Variants in WASF3 observed in about 807,000 individuals in gnomAD.
WASF3 encodes the protein WASP family member 3, also known as actin-binding protein WASF3.
In WASF3, 11 loss-of-function variants were observed where a neutral mutation model predicts 46.6. That is an observed-to-expected ratio of 0.24 (90% CI 0.15 to 0.39). The LOEUF (loss-of-function observed/expected upper bound fraction) is 0.39, where lower values mean the gene tolerates loss of function less well. Ranked by LOEUF, WASF3 falls within the 10% of genes least tolerant of loss-of-function variation. WASF3 has a pLI of 1.00. For synonymous variants in WASF3, 242 were observed against 259.7 expected (o/e 0.93, Z 0.65); for missense variants, 576 against 669.8 (o/e 0.86, Z 1.55).
chr13:26,664,972 G>C, intron 3 of WASF3, 56 bp from the exon 4 acceptor site: 1 of 1,590,154 alleles, frequency 6.3e-7, no homozygotes, highest in Non-Finnish European at 8.6e-7. Context: ...GGATGTGTGA[G>C]GGCCGCTTCA....
chr13:26,621,563 C>G (rs1447063169), intron 2 of WASF3, among the ~76,000 whole-genome samples: 1 of 152,094 alleles, frequency 6.6e-6, no homozygotes, highest in Non-Finnish European at 1.5e-5. Context: ...TCCCCAATTC[C>G]TAGTCCTTTG....
At chr13:26,547,790 C>T in the WASF3 span, among the ~76,000 whole-genome samples, 1 of 152,168 alleles carries the variant, frequency 6.6e-6, no homozygotes, top group African/African-American at 2.4e-5. Flanking sequence ...TTTTGAACAT[C>T]TCCATTAAGT....
chr13:26,608,741 A>G (rs2137216756), intron 1 of WASF3, among the ~76,000 whole-genome samples: 1 of 152,310 alleles, frequency 6.6e-6, no homozygotes, highest in Admixed American at 6.5e-5. Context: ...GAAAGAGGAG[A>G]AACACAAAGA....
At chr13:26,559,792 CTTT>C (rs2137134315) in intron 1 of WASF3, among the ~76,000 whole-genome samples, 1 of 74,042 alleles carries the variant, frequency 1.4e-5, no homozygotes. Context: ...CTTTTCTTTT[CTTT>C]CTTTCTTTCT....
At chr13:26,612,721 G>A (rs1163039953) in intron 1 of WASF3, among the ~76,000 whole-genome samples, 1 of 152,098 alleles carries the variant, frequency 6.6e-6, no homozygotes, top group Non-Finnish European at 1.5e-5. Context: ...CTGCCCTTCA[G>A]CTATTATTTA....
At chr13:26,645,757 GA>G (rs1882131834) in intron 3 of WASF3, among the ~76,000 whole-genome samples, 1 of 152,178 alleles carries the variant, frequency 6.6e-6, no homozygotes, top group Non-Finnish European at 1.5e-5. Flanking sequence ...TCAGTCAGTA[GA>G]AGCAAGACCC....
chr13:26,549,680 T>C, the WASF3 span, among the ~76,000 whole-genome samples: 1 of 152,238 alleles, frequency 6.6e-6, no homozygotes, highest in Admixed American at 6.5e-5. Context: ...ATATCCTTTC[T>C]TCAAGGGCTT....
rs566489266 is a variant in WASF3, at chr13:26,577,030, G to A, written c.-109+19211G>A. ...TATAAGGAATATTGGAAAGATGCTAGTCACCAGGACCCAAGGAAACAAAAT... is the reference window on the plus strand; with the variant it reads ...TATAAGGAATATTGGAAAGATGCTAATCACCAGGACCCAAGGAAACAAAAT... On this transcript the variant is annotated intron_variant, in intron 1 of 9. Coordinates refer to ENST00000335327, the MANE Select transcript of WASF3 (RefSeq NM_006646.6). The A allele has an allele frequency of 3.2e-5, 23 of 719,748 alleles. 1 individual carries two copies. Among genetic ancestry groups the A allele is most frequent in the South Asian group, 3.1e-4 (21 of 66,848 alleles). 44.6% of individuals were successfully genotyped at this position (719,748 alleles called of 1,614,324 possible).
intron 1 of WASF3, among the ~76,000 whole-genome samples, chr13:26,566,020 G>A (rs745463318): frequency 1.3e-5 from 2 of 152,120 alleles, no homozygotes; most frequent in Admixed American, 6.5e-5. Flanking sequence ...GAACAGCTGC[G>A]TTACATTAAG....
At chr13:26,578,757 G>A (rs1053859990) in intron 1 of WASF3, among the ~76,000 whole-genome samples, 8 of 151,914 alleles carry the variant, frequency 5.3e-5, no homozygotes, top group Admixed American at 2.6e-4. Flanking sequence ...AACTTCTTTC[G>A]TTTCATGTAT....
At chr13:26,593,607 G>T (rs561174655) in intron 1 of WASF3, among the ~76,000 whole-genome samples, 6 of 152,138 alleles carry the variant, frequency 3.9e-5, no homozygotes, top group African/African-American at 1.2e-4. Flanking sequence ...TTTTCTTGCA[G>T]ATTTATTTAT....
chr13:26,666,038 T>C (rs1239707632), intron 4 of WASF3, among the ~76,000 whole-genome samples: 1 of 152,204 alleles, frequency 6.6e-6, no homozygotes, highest in African/African-American at 2.4e-5. Flanking sequence ...AAAAAGTAGT[T>C]GTGGAATTCA....
the WASF3 span, among the ~76,000 whole-genome samples, chr13:26,551,239 G>A: frequency 6.6e-6 from 1 of 152,166 alleles, no homozygotes; most frequent in African/African-American, 2.4e-5. Context: ...GTGCAGAACT[G>A]AGTCAATTAA....
intron 1 of WASF3, 49 bp downstream of exon 1, chr13:26,557,868 G>T: frequency 3.4e-6 from 1 of 297,878 alleles, no homozygotes; most frequent in African/African-American, 2.2e-5. Flanking sequence ...GGCTGCTGTG[G>T]CCCTCTCGGC....
chr13:26,590,171 T>C (rs1306503749), intron 1 of WASF3, among the ~76,000 whole-genome samples: 1 of 152,196 alleles, frequency 6.6e-6, no homozygotes, highest in Admixed American at 6.5e-5. Context: ...TGCTTTCATT[T>C]CCCATCGCGC....
Position 26,676,833 on chromosome 13 carries a change from T to G in WASF3, c.716+109T>G, listed in dbSNP as rs144719152. ...ATAGCTTCGGGGTTTATATGGCCCT[T>G]GATGTCTTAAGATTTTCCTTAAAAA... is the stretch of plus-strand genomic sequence containing the variant. On this transcript the variant is annotated intron_variant, in intron 7 of 9. Transcript: ENST00000335327. The G allele has an allele frequency of 4.0e-3, 4,213 of 1,061,890 alleles. 12 individuals carry two copies. Among genetic ancestry groups the G allele is most frequent in the Admixed American group, 5.2e-3 (183 of 34,910 alleles). 65.8% of individuals were successfully genotyped at this position (1,061,890 alleles called of 1,614,324 possible). A position where few individuals can be genotyped will look rare whatever the true frequency, so the allele number is the denominator to read the frequency against.
chr13:26,584,389 A>T (rs1221707625), intron 1 of WASF3, among the ~76,000 whole-genome samples: 1 of 152,198 alleles, frequency 6.6e-6, no homozygotes, highest in African/African-American at 2.4e-5. Flanking sequence ...TAAAAAGGTG[A>T]CCTTAATTTC....
At chr13:26,641,958 T>C (rs1438883922) in intron 2 of WASF3, 1 of 165,652 alleles carries the variant, frequency 6.0e-6, no homozygotes, top group African/African-American at 2.4e-5. Context: ...GTCTCCTCTC[T>C]TGCTCTTGAT....
chr13:26,669,369 G>A (rs2137476879), intron 5 of WASF3, among the ~76,000 whole-genome samples: 1 of 151,430 alleles, frequency 6.6e-6, no homozygotes, highest in East Asian at 1.9e-4. Flanking sequence ...TGTGTTTAAG[G>A]ATAGCAGTGC....
Sources: allele counts gnomAD v4.1 joint callset (sites outside exome capture counted in the v4.1 genomes callset), GRCh38; gene constraint gnomAD v4.1.1; transcripts MANE v1.5; gene names NCBI Gene and HGNC (gene_info 2026-07-23, HGNC 2026-07-21).